The following PDIA6 variants were observed in gnomAD, a reference collection of about 807,000 sequenced individuals.
PDIA6 encodes the protein protein disulfide-isomerase A6.
Under a neutral mutation model 58.4 loss-of-function variants are expected in PDIA6, and 29 were observed. That is an observed-to-expected ratio of 0.50 (90% confidence interval 0.37 to 0.68). PDIA6 has a LOEUF of 0.68. Among genes scored for constraint, PDIA6 ranks in the 30% least tolerant of loss-of-function variants. The pLI is 0.00. For synonymous variants in PDIA6, 192 were observed against 202.6 expected (o/e 0.95, Z 0.44); for missense variants, 480 against 551.0 (o/e 0.87, Z 1.29).
At chr2:10,808,651 G>A (rs1455865725) in intron 1 of PDIA6, among the ~76,000 whole-genome samples, 3 of 152,100 alleles carry the variant, frequency 2.0e-5, no homozygotes, top group Non-Finnish European at 4.4e-5. Context: ...CATTTCAAGA[G>A]GTGGGAAAGG....
At chr2:10,821,645 G>A (rs1438048295) in intron 1 of PDIA6, 1 of 150,668 alleles carries the variant, frequency 6.6e-6, no homozygotes, top group Non-Finnish European at 1.5e-5. Context: ...TTTTTTTTGA[G>A]ACAGGGTCTC....
chr2:10,826,878 C>T lies in PDIA6; in HGVS notation c.-48+5324G>A, dbSNP rs576238246. Among the ~76,000 whole-genome samples the T allele has an allele frequency of 8.5e-5, 13 of 152,344 alleles. No individual in the cohort carries two copies. The South Asian group carries it at 2.1e-3, about 24-fold the overall frequency. ...TATTCTTTCATTTCCTCAGACACAA[C>T]AGGCTGGTTCCTGCCTTCGGGCCTT... On this transcript the variant is annotated intron_variant, in intron 1 of 13. Coordinates refer to the PDIA6 transcript ENST00000381611.
At position 10,802,390 on chromosome 2, in the gene PDIA6, C is replaced by T. The variant is rs1282372936; in HGVS notation, c.161+109G>A. 4 of 641,156 alleles carry T rather than the reference C, an allele frequency of 6.2e-6. No individual in the cohort carries two copies. The East Asian group carries it at 1.3e-4, about 20-fold the overall frequency. 39.7% of individuals were successfully genotyped at this position (641,156 alleles called of 1,614,324 possible). On this transcript the variant is annotated intron_variant, in intron 2 of 12. Coordinates refer to ENST00000272227, the MANE Select transcript of PDIA6 (RefSeq NM_005742.4). ...TTCCCTCTTCTCTACTTCTTTTAAA[C>T]AAACACTAAGCTAAACTAGATGTCT...
intron 10 of PDIA6, among the ~76,000 whole-genome samples, chr2:10,788,229 T>A (rs1018847165): frequency 1.3e-5 from 2 of 152,206 alleles, no homozygotes; most frequent in African/African-American, 4.8e-5. Flanking sequence ...TCCTTATGTG[T>A]CTGCCTGCTA....
upstream of PDIA6, among the ~76,000 whole-genome samples, chr2:10,813,181 C>T (rs1667085757): frequency 6.6e-6 from 1 of 152,234 alleles, no homozygotes; most frequent in Non-Finnish European, 1.5e-5. Flanking sequence ...CTCAGGGCAC[C>T]CACGGTCCTG....
chr2:10,790,804 G>A lies in PDIA6; in HGVS notation c.614C>T (p.Ser205Leu), dbSNP rs776267394. The change falls in exon 7 of 13, where the codon TCA becomes TTA. Residue 205 changes from serine to leucine, a missense_variant. Coordinates refer to ENST00000272227, the MANE Select transcript of PDIA6 (RefSeq NM_005742.4). Reference protein sequence around the residue: ...NLEPEWAAAASEVKEQTKGKV... With the variant: ...NLEPEWAAAALEVKEQTKGKV... ...TCCTTTCGTCTGCTCTTTTACTTCT[G>A]AAGCTGCGGCAGCCCACTCTGGCTC... The A allele has an allele frequency of 5.0e-6, 8 of 1,614,050 alleles. No individual in the cohort carries two copies. In the East Asian group the frequency reaches 6.7e-5, roughly 13 times the overall value.
chr2:10,806,647 A>AGAG, intron 1 of PDIA6, among the ~76,000 whole-genome samples: 1 of 149,986 alleles, frequency 6.7e-6, no homozygotes, highest in African/African-American at 2.4e-5. Flanking sequence ...AGAAAGAAAG[A>AGAG]AAAACGTTAC....
upstream of PDIA6, among the ~76,000 whole-genome samples, chr2:10,814,672 G>A (rs1054538775): frequency 2.0e-5 from 3 of 152,188 alleles, no homozygotes; most frequent in African/African-American, 4.8e-5. Context: ...CTGGATGGAG[G>A]AATTTAATTC....
At chr2:10,819,350 T>A in exon 2 of PDIA6, 1 of 1,522,834 alleles carries the variant, frequency 6.6e-7, no homozygotes, top group Non-Finnish European at 8.9e-7. Context: ...GAGAAGTTGG[T>A]GAGCCTGAAA....
chr2:10,787,640 G>A (rs751702459), intron 10 of PDIA6, among the ~76,000 whole-genome samples: 7 of 152,152 alleles, frequency 4.6e-5, no homozygotes, highest in African/African-American at 9.7e-5. Context: ...GCATGTTCTC[G>A]CGTTCTGTAG....
chr2:10,833,486 A>AG, upstream of PDIA6, among the ~76,000 whole-genome samples: 1 of 152,298 alleles, frequency 6.6e-6, no homozygotes, highest in African/African-American at 2.4e-5. Flanking sequence ...CTCACAGCCA[A>AG]GGGGAGTGGC....
intron 2 of PDIA6, among the ~76,000 whole-genome samples, chr2:10,818,489 TATTTATTTA>T (rs1667276272): frequency 1.2e-5 from 1 of 81,384 alleles, no homozygotes; most frequent in Admixed American, 1.3e-4. Context: ...TTAATTTATT[TATTTATTTA>T]TTTATTTATT....
chr2:10,800,291 T>C (rs1419176422), intron 2 of PDIA6, among the ~76,000 whole-genome samples: 6 of 152,188 alleles, frequency 3.9e-5, no homozygotes, highest in Non-Finnish European at 8.8e-5. Context: ...AGCGACAACA[T>C]GACACTCACA....
intron 10 of PDIA6, 144 bp downstream of exon 10, chr2:10,788,553 G>C (rs1389783739): frequency 6.0e-6 from 4 of 669,492 alleles, no homozygotes; most frequent in Non-Finnish European, 1.0e-5. Context: ...CTACTTGGGA[G>C]GCTGAGGCAG....
intron 11 of PDIA6, among the ~76,000 whole-genome samples, chr2:10,786,295 A>G (rs1162083981): frequency 6.7e-6 from 1 of 150,308 alleles, no homozygotes; most frequent in Non-Finnish European, 1.5e-5. Flanking sequence ...CCCGGACGAC[A>G]CAGCAAGACT....
intron 10 of PDIA6, among the ~76,000 whole-genome samples, chr2:10,788,296 T>C (rs981202616): frequency 3.3e-5 from 5 of 152,164 alleles, no homozygotes; most frequent in Admixed American, 2.0e-4. Flanking sequence ...ATGCATGCTG[T>C]GCTGACAGCC....
intron 2 of PDIA6, among the ~76,000 whole-genome samples, chr2:10,818,870 A>G (rs1007155289): frequency 6.6e-6 from 1 of 152,092 alleles, no homozygotes; most frequent in Non-Finnish European, 1.5e-5. Context: ...ATGCGCTCAC[A>G]TCGTTGTACA....
At chr2:10,835,908 G>A (rs1667822925), upstream of PDIA6, among the ~76,000 whole-genome samples, 2 of 152,158 alleles carry the variant, frequency 1.3e-5, no homozygotes, top group Admixed American at 6.5e-5. Flanking sequence ...ATAATTAGCT[G>A]GGCGTGGTGG....
chr2:10,814,966 G>C (rs1480977450), upstream of PDIA6, among the ~76,000 whole-genome samples: 1 of 152,214 alleles, frequency 6.6e-6, no homozygotes, highest in Non-Finnish European at 1.5e-5. Flanking sequence ...GAAAACAGAG[G>C]CCAGATCATA....
Sources: gnomAD v4.1 joint callset for allele counts (sites outside exome capture counted in the v4.1 genomes callset) on GRCh38, gnomAD v4.1.1 for gene constraint, MANE v1.5 for transcripts, NCBI Gene and HGNC (gene_info 2026-07-23, HGNC 2026-07-21) for gene names.